Variants in EIF4ENIF1 observed in about 807,000 individuals in gnomAD.
The protein encoded by EIF4ENIF1 is eukaryotic translation initiation factor 4E nuclear import factor 1, also known as eukaryotic translation initiation factor 4E transporter.
In EIF4ENIF1, 23 loss-of-function variants were observed where a neutral mutation model predicts 110.5. The ratio of observed to expected loss-of-function variants is 0.21; its 90% CI spans 0.15 to 0.29. The LOEUF (loss-of-function observed/expected upper bound fraction) is 0.29, where lower values mean the gene tolerates loss of function less well. Among genes scored for constraint, EIF4ENIF1 ranks in the 10% least tolerant of loss-of-function variants. The pLI is 1.00. For missense variants in EIF4ENIF1, 1,031 were observed against 1,221.1 expected (o/e 0.84, Z 2.32); for synonymous variants, 440 against 437.0 (o/e 1.01, Z -0.09).
intron 2 of EIF4ENIF1, among the ~76,000 whole-genome samples, chr22:31,477,364 AAAAAAAAAAAC>A (rs2051617142): frequency 7.3e-6 from 1 of 137,896 alleles, no homozygotes; most frequent in Non-Finnish European, 1.6e-5. Context: ...CTCCAAAAAA[AAAAAAAAAAAC>A]AAAAAAAACA....
chr22:31,447,895 G>A (rs534474782), intron 13 of EIF4ENIF1, among the ~76,000 whole-genome samples: 88 of 152,288 alleles, frequency 5.8e-4, no homozygotes, highest in East Asian at 1.5e-3. Flanking sequence ...GGGCTCAAGC[G>A]ATTCTCCTGC....
downstream of EIF4ENIF1, chr22:31,437,347 A>G (rs919702863): frequency 2.6e-5 from 4 of 151,922 alleles, no homozygotes; most frequent in African/African-American, 9.7e-5. Flanking sequence ...TCGTGCCTGC[A>G]AGACATCAAA....
intron 15 of EIF4ENIF1, chr22:31,443,381 C>G (rs1164758655): frequency 3.5e-6 from 1 of 285,156 alleles, no homozygotes; most frequent in African/African-American, 2.2e-5. Context: ...AGAGAAAGAA[C>G]ATGGCCAGAA....
chr22:31,439,767 A>G lies in EIF4ENIF1; in HGVS notation c.*113T>C. 3.4e-6 allele frequency: 5 copies of G among 1,455,808 alleles called. No homozygotes were observed. In the South Asian group the frequency reaches 6.9e-5, roughly 20 times the overall value. The allele number at this position is 1,455,808 out of a possible 1,614,324, so 90.2% of individuals were successfully genotyped here. On this transcript the variant is annotated 3_prime_UTR_variant, in exon 19 of 19. Coordinates refer to ENST00000330125, the MANE Select transcript of EIF4ENIF1 (RefSeq NM_019843.4). ...ACCAGATGCATGGGTTCCACCAAAC[A>G]GCTTCACACAGAGTGCTCCAAAGTA...
chr22:31,480,309 T>C (rs2051764199), intron 2 of EIF4ENIF1, among the ~76,000 whole-genome samples: 1 of 152,206 alleles, frequency 6.6e-6, no homozygotes, highest in Admixed American at 6.5e-5. Flanking sequence ...GGAAAGCAAA[T>C]GAATCTCAAC....
chr22:31,458,520 G>A lies in EIF4ENIF1; in HGVS notation c.918C>T (p.Asp306=). The A allele has an allele frequency of 6.2e-7, 1 of 1,611,890 alleles. No homozygotes were observed. The change falls in exon 7 of 19, where the codon GAC becomes GAT. Residue 306 remains aspartate (D), a synonymous_variant. Coordinates refer to ENST00000330125, the MANE Select transcript of EIF4ENIF1 (RefSeq NM_019843.4). ...VLPEQSPGDF[D]FNEFFNLDKV... Reference sequence around the variant, plus strand: ...TATCAAGGTTAAAGAACTCATTAAAGTCAAAGTCTCCTGGGGACTGCTCAG... The same window carrying A: ...TATCAAGGTTAAAGAACTCATTAAAATCAAAGTCTCCTGGGGACTGCTCAG...
chr22:31,452,241 G>A (rs566219636), intron 10 of EIF4ENIF1, among the ~76,000 whole-genome samples: 4 of 152,252 alleles, frequency 2.6e-5, no homozygotes, highest in East Asian at 1.9e-4. Context: ...TAAAGACACC[G>A]AATTCAAAAA....
At chr22:31,456,849 A>G (rs2050847743) in intron 7 of EIF4ENIF1, among the ~76,000 whole-genome samples, 1 of 152,182 alleles carries the variant, frequency 6.6e-6, no homozygotes, top group African/African-American at 2.4e-5. Flanking sequence ...TCTATGCTAC[A>G]AAAAGGTTTT....
At chr22:31,456,098 T>C in intron 7 of EIF4ENIF1, 111 bp from the exon 8 acceptor site, 1 of 1,074,724 alleles carries the variant, frequency 9.3e-7, no homozygotes, top group Non-Finnish European at 1.3e-6. Flanking sequence ...GCTCGTGACC[T>C]GAAGATAAAT....
At chr22:31,448,076 G>T in intron 13 of EIF4ENIF1, 77 bp downstream of exon 13, 1 of 1,512,448 alleles carries the variant, frequency 6.6e-7, no homozygotes, top group Non-Finnish European at 9.2e-7. Flanking sequence ...AATCACAACA[G>T]TTCAGCTCTC....
chr22:31,448,453 C>T (rs1458660731), intron 12 of EIF4ENIF1, among the ~76,000 whole-genome samples: 4 of 152,230 alleles, frequency 2.6e-5, no homozygotes, highest in African/African-American at 7.2e-5. Context: ...ATCAGCATTG[C>T]TCCTTTTAAA....
At chr22:31,455,068 C>A in intron 9 of EIF4ENIF1, 68 bp downstream of exon 9, 1 of 1,371,882 alleles carries the variant, frequency 7.3e-7, no homozygotes, top group East Asian at 2.4e-5. Context: ...TATGTTAGAC[C>A]CAACTGCCTG....
chr22:31,470,808 G>T (rs1464359576), intron 3 of EIF4ENIF1, among the ~76,000 whole-genome samples: 1 of 149,276 alleles, frequency 6.7e-6, no homozygotes, highest in Non-Finnish European at 1.5e-5. Context: ...TTGGCCTCCT[G>T]AGTACTTGGG....
In EIF4ENIF1 at chr22:31,440,056, C is replaced by T. The variant is rs147736398; in HGVS notation, c.2782G>A (p.Val928Met). Residue 928 changes from valine (V) to methionine (M), a missense_variant, in exon 19 of 19, where the codon GTG becomes ATG. Val to Met is a conservative substitution (Grantham distance 21, BLOSUM62 1). Transcript: ENST00000330125. ...AVSVQTTPQN[V>M]PSRSGLPHMH... ...TGGGGCAGGCCTGACCGGCTGGGCACGTTCTGAGGGGTTGTCTGAACGCTG... is the reference window on the plus strand; with the variant it reads ...TGGGGCAGGCCTGACCGGCTGGGCATGTTCTGAGGGGTTGTCTGAACGCTG... 1.1e-4 allele frequency: 172 copies of T among 1,613,994 alleles called. No homozygotes were observed. In the African/African-American group the frequency reaches 1.8e-3, roughly 17 times the overall value.
chr22:31,461,189 A>G (rs1020436676), intron 6 of EIF4ENIF1, among the ~76,000 whole-genome samples: 2 of 152,154 alleles, frequency 1.3e-5, no homozygotes, highest in African/African-American at 4.8e-5. Context: ...TTTGTCAAAA[A>G]TTATCCTTTT....
chr22:31,480,908 AG>A (rs1368789151), intron 2 of EIF4ENIF1, among the ~76,000 whole-genome samples: 2 of 152,034 alleles, frequency 1.3e-5, no homozygotes, highest in African/African-American at 4.8e-5. Flanking sequence ...ACTAAAAAAA[AG>A]AAAATCAGCT....
intron 1 of EIF4ENIF1, 160 bp downstream of exon 1, chr22:31,489,531 GGCC>G (rs2052182295): frequency 1.4e-5 from 2 of 142,170 alleles, no homozygotes; most frequent in African/African-American, 5.2e-5. Flanking sequence ...GCTACCCGCC[GGCC>G]GCCTTGCGGG....
chr22:31,471,962 G>T, intron 2 of EIF4ENIF1, 45 bp from the exon 3 acceptor site: 2 of 1,465,980 alleles, frequency 1.4e-6, no homozygotes, highest in Non-Finnish European at 1.9e-6. Context: ...CATTTCTTAG[G>T]CCACACACTT....
At chr22:31,464,699 A>AAAAAAAAAAAAAT (rs1304121964) in intron 4 of EIF4ENIF1, among the ~76,000 whole-genome samples, 3 of 39,134 alleles carry the variant, frequency 7.7e-5, no homozygotes, top group East Asian at 6.2e-4. Flanking sequence ...AAAAAAAAAA[A>AAAAAAAAAAAAAT]ATATATATAT....
Sources: gnomAD v4.1 joint callset for allele counts (sites outside exome capture counted in the v4.1 genomes callset) on GRCh38, gnomAD v4.1.1 for gene constraint, MANE v1.5 for transcripts, NCBI Gene and HGNC (gene_info 2026-07-23, HGNC 2026-07-21) for gene names.